Variants in ASTN2 observed in about 807,000 individuals in gnomAD.
The protein encoded by ASTN2 is astrotactin 2, also known as astrotactin-2.
In ASTN2, 54 loss-of-function variants were observed where a neutral mutation model predicts 139.8. The ratio of observed to expected loss-of-function variants is 0.39; its 90% CI spans 0.31 to 0.48. ASTN2 has a LOEUF of 0.48. Among genes scored for constraint, ASTN2 ranks in the 20% least tolerant of loss-of-function variants. The probability of loss-of-function intolerance (pLI) is 0.95; values close to 1 mark genes in which losing one functional copy is unlikely to be tolerated. For synonymous variants in ASTN2, 756 were observed against 719.5 expected, an observed-to-expected ratio of 1.05 and a Z score of -0.81; for missense variants, 1,565 against 1,725.1, an observed-to-expected ratio of 0.91 and a Z score of 1.64.
chr9:116,489,247 A>G (rs1849434764), intron 19 of ASTN2, among the ~76,000 whole-genome samples: 1 of 152,224 alleles, frequency 6.6e-6, no homozygotes, highest in Non-Finnish European at 1.5e-5. Context: ...CTACCAAGGA[A>G]CTGGTTGAGC....
At chr9:117,403,377 A>G (rs1347498714) in intron 1 of ASTN2, among the ~76,000 whole-genome samples, 1 of 152,162 alleles carries the variant, frequency 6.6e-6, no homozygotes, top group Non-Finnish European at 1.5e-5. Context: ...TCTAGAATGG[A>G]GCTCTGTCCA....
chr9:117,161,155 T>C (rs1338186376), intron 3 of ASTN2, among the ~76,000 whole-genome samples: 3 of 151,982 alleles, frequency 2.0e-5, no homozygotes, highest in East Asian at 3.9e-4. Flanking sequence ...ACACAAAATA[T>C]ATGTAGCTAC....
At chr9:116,506,232 G>A (rs951031147) in intron 19 of ASTN2, among the ~76,000 whole-genome samples, 1 of 152,174 alleles carries the variant, frequency 6.6e-6, no homozygotes, top group African/African-American at 2.4e-5. Context: ...AGGCTGGCAA[G>A]GCTGGCATTC....
chr9:116,769,874 A>G (rs549112545), intron 13 of ASTN2, among the ~76,000 whole-genome samples: 1 of 150,624 alleles, frequency 6.6e-6, no homozygotes, highest in East Asian at 2.0e-4. Flanking sequence ...GCAAGACCCC[A>G]TCTGTACAAA....
intron 10 of ASTN2, among the ~76,000 whole-genome samples, chr9:116,864,082 G>A (rs1832960344): frequency 6.6e-6 from 1 of 152,214 alleles, no homozygotes; most frequent in African/African-American, 2.4e-5. Flanking sequence ...CCGAAGTGAA[G>A]TTTGTATTAA....
intron 1 of ASTN2, among the ~76,000 whole-genome samples, chr9:117,364,915 C>T (rs571384883): frequency 3.1e-4 from 46 of 150,698 alleles, no homozygotes; most frequent in African/African-American, 1.1e-3. Context: ...GAGTTTGAGA[C>T]TAGCCTAGGC....
intron 1 of ASTN2, among the ~76,000 whole-genome samples, chr9:117,391,634 C>T (rs984446085): frequency 2.0e-5 from 3 of 152,074 alleles, no homozygotes; most frequent in South Asian, 2.1e-4. Context: ...CATATCATTT[C>T]GCCCCTGGCC....
intron 4 of ASTN2, among the ~76,000 whole-genome samples, chr9:117,114,886 A>G (rs982357561): frequency 1.3e-5 from 2 of 152,156 alleles, no homozygotes; most frequent in African/African-American, 4.8e-5. Context: ...ACCAGTCAAC[A>G]TCCCCATTGG....
At chr9:117,014,384 G>C (rs147692755) in intron 6 of ASTN2, among the ~76,000 whole-genome samples, 1 of 152,188 alleles carries the variant, frequency 6.6e-6, no homozygotes, top group Non-Finnish European at 1.5e-5. Context: ...AAGGCAACCT[G>C]GATACCTGGG....
intron 20 of ASTN2, among the ~76,000 whole-genome samples, chr9:116,450,716 T>C (rs891090533): frequency 1.3e-5 from 2 of 152,164 alleles, no homozygotes; most frequent in African/African-American, 2.4e-5. Flanking sequence ...CAAGTGAGGC[T>C]TGAGAATGAG....
Position 116,995,446 on chromosome 9 carries a change from T to C in ASTN2, c.1591+12646A>G, listed in dbSNP as rs1458156717. Among the ~76,000 whole-genome samples, 3 of 152,252 alleles carry C rather than the reference T, an allele frequency of 2.0e-5. No homozygotes were observed. In the South Asian group the frequency reaches 6.2e-4, roughly 32 times the overall value. ...TCTGAATTCAATATTTCATCTTTCATGTACTAATTCCACCATTCATTTTTA... is the reference window on the plus strand; with the variant it reads ...TCTGAATTCAATATTTCATCTTTCACGTACTAATTCCACCATTCATTTTTA... On this transcript the variant is annotated intron_variant, in intron 7 of 22. Coordinates refer to ENST00000313400, the MANE Select transcript of ASTN2 (RefSeq NM_001365068.1).
At chr9:117,137,775 T>G (rs1276757642) in intron 4 of ASTN2, among the ~76,000 whole-genome samples, 1 of 152,132 alleles carries the variant, frequency 6.6e-6, no homozygotes, top group African/African-American at 2.4e-5. Context: ...CTTGGGTAAG[T>G]TTGGAAGTAT....
chr9:116,656,673 T>C (rs918501515), intron 16 of ASTN2, among the ~76,000 whole-genome samples: 2 of 121,394 alleles, frequency 1.6e-5, no homozygotes, highest in Non-Finnish European at 3.4e-5. Flanking sequence ...GGTATTATTT[T>C]GTTGCCACCA....
intron 3 of ASTN2, among the ~76,000 whole-genome samples, chr9:117,199,673 A>G (rs910604034): frequency 6.6e-6 from 1 of 152,044 alleles, no homozygotes; most frequent in African/African-American, 2.4e-5. Flanking sequence ...AAGAATGTCA[A>G]TGGTAGTTCG....
At position 116,698,063 on chromosome 9, in the gene ASTN2, G is replaced by GC. The variant is rs1860965626; in HGVS notation, c.2806+27707dup. ...TGTGTCGGTCCTGTGGGCGGCGTCT[G>GC]CCCCGGCAATTCTGCCGGAGCTGTG... On this transcript the variant is annotated intron_variant, in intron 16 of 22. Transcript: ENST00000313400. The surrounding 1 kb of genome is among the most constrained non-coding windows in gnomAD (Gnocchi z 4.4). The GC allele has an allele frequency of 6.2e-7, 1 of 1,614,062 alleles. No homozygotes were observed. The highest frequency in any genetic ancestry group is 8.5e-7 in the Non-Finnish European group (1 of 1,180,034).
At chr9:117,038,467 T>C (rs1174885946) in intron 6 of ASTN2, among the ~76,000 whole-genome samples, 1 of 151,528 alleles carries the variant, frequency 6.6e-6, no homozygotes, top group Non-Finnish European at 1.5e-5. Context: ...ATATGGAATC[T>C]TGTTACATGT....
intron 4 of ASTN2, among the ~76,000 whole-genome samples, chr9:117,114,711 G>A (rs1166268223): frequency 6.6e-6 from 1 of 152,104 alleles, no homozygotes; most frequent in African/African-American, 2.4e-5. Flanking sequence ...GCTTGTTACT[G>A]CTTTGACTAA....
At chr9:117,271,876 C>A (rs1219782592) in intron 2 of ASTN2, among the ~76,000 whole-genome samples, 2 of 152,228 alleles carry the variant, frequency 1.3e-5, no homozygotes. Flanking sequence ...CTCCCAGCTG[C>A]TTTAATGGGC....
chr9:117,080,154 A>G (rs1453921747), intron 5 of ASTN2, among the ~76,000 whole-genome samples: 1 of 152,220 alleles, frequency 6.6e-6, no homozygotes, highest in African/African-American at 2.4e-5. Context: ...TAAATAATAA[A>G]CAGAAGGGTA....
Sources: allele counts gnomAD v4.1 joint callset (sites outside exome capture counted in the v4.1 genomes callset), GRCh38; gene constraint gnomAD v4.1.1; non-coding constraint Gnocchi (gnomAD v3.1); transcripts MANE v1.5; gene names NCBI Gene and HGNC (gene_info 2026-07-23, HGNC 2026-07-21).